The following RGS3 variants were observed in gnomAD, a reference collection of about 807,000 sequenced individuals.
RGS3 encodes the protein regulator of G protein signaling 3.
A neutral mutation model predicts 132.6 loss-of-function variants in RGS3; 80 were observed. The observed-to-expected ratio is 0.60, with a 90% CI of 0.50 to 0.73. RGS3 has a LOEUF of 0.73. Ranked by LOEUF, RGS3 falls within the 30% of genes least tolerant of loss-of-function variation. RGS3 has a pLI of 0.00. For synonymous variants in RGS3, 598 were observed against 620.6 expected, an observed-to-expected ratio of 0.96 and a Z score of 0.54; for missense variants, 1,382 against 1,530.8, an observed-to-expected ratio of 0.90 and a Z score of 1.62.
chr9:113,595,709 G>A, exon 24 of RGS3: 1 of 1,614,158 alleles, frequency 6.2e-7, no homozygotes, highest in South Asian at 1.1e-5. Context: ...GTCCAAGATG[G>A]CATCCAAGGC....
At chr9:113,462,814 A>G (rs1375104932) in intron 3 of RGS3, among the ~76,000 whole-genome samples, 1 of 152,216 alleles carries the variant, frequency 6.6e-6, no homozygotes, top group Non-Finnish European at 1.5e-5. Context: ...CTGAACCACA[A>G]ATATCCACTT....
intron 19 of RGS3, among the ~76,000 whole-genome samples, chr9:113,563,254 A>C (rs1307610390): frequency 6.6e-6 from 1 of 152,158 alleles, no homozygotes; most frequent in Non-Finnish European, 1.5e-5. Flanking sequence ...CTCCATGGCT[A>C]ATGTCTGCCT....
In RGS3 at chr9:113,507,258, A is replaced by C. The variant is rs745500733; in HGVS notation, c.1086-29A>C. 6.4e-7 allele frequency: 1 copy of C among 1,566,516 alleles called. No homozygotes were observed. Among genetic ancestry groups the C allele is most frequent in the South Asian group, 1.2e-5 (1 of 83,436 alleles). On this transcript the variant is annotated intron_variant, in intron 12 of 24. Transcript: ENST00000350696. This position sits in a 1 kb window ranked among gnomAD's most constrained non-coding sequence, Gnocchi z 5.0. Reference sequence around the variant, plus strand: ...CTGATACTGGCTTTCCCCAGGCTCAACCTGTCTGTGTGATCCCCCACCTTC... The same window carrying C: ...CTGATACTGGCTTTCCCCAGGCTCACCCTGTCTGTGTGATCCCCCACCTTC...
intron 19 of RGS3, among the ~76,000 whole-genome samples, chr9:113,568,270 G>T (rs1353130835): frequency 1.3e-5 from 2 of 152,214 alleles, no homozygotes; most frequent in Non-Finnish European, 2.9e-5. Flanking sequence ...ACTCACCAGT[G>T]ACATGTCCCT....
At chr9:113,446,855 CAG>C (rs1829111402) in intron 1 of RGS3, among the ~76,000 whole-genome samples, 1 of 152,110 alleles carries the variant, frequency 6.6e-6, no homozygotes, top group Non-Finnish European at 1.5e-5. Flanking sequence ...ATCAGTTGGG[CAG>C]AGACTCAGGA....
upstream of RGS3, among the ~76,000 whole-genome samples, chr9:113,459,933 G>A (rs922497300): frequency 1.7e-4 from 26 of 151,638 alleles, 1 homozygote; most frequent in Admixed American, 1.1e-3. Flanking sequence ...TCAGCTACTC[G>A]GAAGGCTGAG....
intron 18 of RGS3, among the ~76,000 whole-genome samples, chr9:113,534,663 G>A (rs1832609035): frequency 6.7e-6 from 1 of 148,976 alleles, no homozygotes; most frequent in Non-Finnish European, 1.5e-5. Context: ...CCAGGCTGGA[G>A]TGCAGTGGCA....
Position 113,534,192 on chromosome 9 carries a change from C to T in RGS3, c.1915-2604C>T, listed in dbSNP as rs569440100. ...TCCACCCCAGCTCAAGGCCTGCTTT[C>T]GCTGCTTCTGGAACAGCTTCTCCCA... On this transcript the variant is annotated intron_variant, in intron 18 of 24. Coordinates refer to ENST00000350696, the Ensembl canonical transcript of RGS3. Among the ~76,000 whole-genome samples, 6 of 152,340 alleles carry T rather than the reference C, an allele frequency of 3.9e-5. 1 individual carries two copies. The South Asian group carries it at 1.2e-3, about 32-fold the overall frequency.
chr9:113,568,048 G>C (rs1834089512), intron 19 of RGS3, among the ~76,000 whole-genome samples: 1 of 152,218 alleles, frequency 6.6e-6, no homozygotes, highest in Non-Finnish European at 1.5e-5. Flanking sequence ...TTGCCATTAA[G>C]AGTAATGTAA....
intron 3 of RGS3, among the ~76,000 whole-genome samples, chr9:113,476,849 T>A (rs1830008646): frequency 6.6e-6 from 1 of 152,234 alleles, no homozygotes; most frequent in Admixed American, 6.5e-5. Flanking sequence ...GGGCCACTGT[T>A]AGTTAGGTGA....
At chr9:113,540,213 G>A (rs1832847236) in intron 19 of RGS3, among the ~76,000 whole-genome samples, 1 of 152,056 alleles carries the variant, frequency 6.6e-6, no homozygotes, top group Non-Finnish European at 1.5e-5. Context: ...CCTGCATGGG[G>A]ACTGCTGCGA....
intron 7 of RGS3, among the ~76,000 whole-genome samples, chr9:113,486,440 C>T (rs564763957): frequency 6.6e-6 from 1 of 152,262 alleles, no homozygotes; most frequent in South Asian, 2.1e-4. Flanking sequence ...ACAGGCTGAT[C>T]TTGCAGGCAG....
chr9:113,584,475 G>A (rs758205122), intron 20 of RGS3, 48 bp downstream of exon 18: 45 of 1,484,918 alleles, frequency 3.0e-5, no homozygotes, highest in Non-Finnish European at 4.0e-5. Context: ...AATGTGGGGA[G>A]GGCTGGCCCA....
At chr9:113,461,631 C>T (rs1174487611) in intron 1 of RGS3, 2 of 1,450,804 alleles carry the variant, frequency 1.4e-6, no homozygotes, top group Admixed American at 1.9e-5. Flanking sequence ...AGGAGGGGAC[C>T]TACAAAGCAG....
chr9:113,501,324 G>T (rs1588165631), intron 10 of RGS3: 1 of 1,097,508 alleles, frequency 9.1e-7, no homozygotes, highest in Non-Finnish European at 1.2e-6. Context: ...ATACTAACTA[G>T]TTGACAGGAA....
At chr9:113,566,071 G>A (rs1295739365) in intron 19 of RGS3, among the ~76,000 whole-genome samples, 1 of 152,160 alleles carries the variant, frequency 6.6e-6, no homozygotes. Context: ...ACACTGCATG[G>A]GAGGGGAGCG....
intron 3 of RGS3, among the ~76,000 whole-genome samples, chr9:113,470,670 C>T (rs566832329): frequency 2.0e-5 from 3 of 152,264 alleles, no homozygotes; most frequent in African/African-American, 4.8e-5. Flanking sequence ...CTGCAAAGAA[C>T]AGGCACATGG....
chr9:113,591,856 C>CTTTTTT lies in RGS3; in HGVS notation c.3080+459_3080+460insTTTTTT. On this transcript the variant is annotated intron_variant, in intron 21 of 24. Transcript: ENST00000350696. This position sits in a 1 kb window ranked among gnomAD's most constrained non-coding sequence, Gnocchi z 4.4. Reference sequence around the variant, plus strand: ...GGAGGGGGCGCTGCTGGCCCAGCTGCCGAATCCCGCACTCGCCAAGCCTTT... The same window carrying CTTTTTT: ...GGAGGGGGCGCTGCTGGCCCAGCTGCTTTTTTCGAATCCCGCACTCGCCAAGCCTTT... 1.2e-5 allele frequency: 2 copies of CTTTTTT among 171,364 alleles called. No individual in the cohort carries two copies. The highest frequency in any genetic ancestry group is 5.5e-5 in the Admixed American group (1 of 18,082). 10.6% of individuals were successfully genotyped at this position (171,364 alleles called of 1,614,324 possible). A position where few individuals can be genotyped will look rare whatever the true frequency, so the allele number is the denominator to read the frequency against.
At chr9:113,523,106 G>GA in intron 17 of RGS3, 65 bp downstream of exon 15, 1 of 1,063,188 alleles carries the variant, frequency 9.4e-7, no homozygotes. Context: ...GCTCTGGGCA[G>GA]CCCTCTGGGA....
Sources: gnomAD v4.1 joint callset for allele counts (sites outside exome capture counted in the v4.1 genomes callset) on GRCh38, gnomAD v4.1.1 for gene constraint, Gnocchi (gnomAD v3.1) non-coding constraint, MANE v1.5 for transcripts, NCBI Gene and HGNC (gene_info 2026-07-23, HGNC 2026-07-21) for gene names.